The following DOCK1 variants were observed in gnomAD, a reference collection of about 807,000 sequenced individuals.
DOCK1 encodes the protein dedicator of cytokinesis 1.
DOCK1 carries 138 observed loss-of-function variants against 262.7 expected under a neutral mutation model. The observed-to-expected ratio is 0.53, with a 90% CI of 0.46 to 0.61. DOCK1 has a LOEUF of 0.61. DOCK1 is among the 20% of genes least tolerant of loss of function. DOCK1 has a pLI of 0.00. For synonymous variants in DOCK1, 866 were observed against 867.4 expected (o/e 1.00, Z 0.03); for missense variants, 1,908 against 2,370.7 (o/e 0.80, Z 4.05).
intron 27 of DOCK1, among the ~76,000 whole-genome samples, chr10:127,195,727 G>A (rs1263581218): frequency 6.6e-6 from 1 of 152,150 alleles, no homozygotes; most frequent in Admixed American, 6.5e-5. Flanking sequence ...CCTCCCTGAC[G>A]TCGCCAAAGT....
chr10:127,430,208 G>T (rs1228258333), intron 47 of DOCK1, among the ~76,000 whole-genome samples: 2 of 152,116 alleles, frequency 1.3e-5, no homozygotes, highest in East Asian at 3.9e-4. Flanking sequence ...ATCACAGTTG[G>T]CCCCTGACCT....
chr10:127,447,565 C>CA lies in DOCK1; in HGVS notation c.5565+21dup. On this transcript the variant is annotated intron_variant, in intron 51 of 51. Transcript: ENST00000623213. ...CAGAGGGTAAGTCGGCAATCTGAAA[C>CA]ACAGGCTTTCATTGCTTCGCCTCCA... is the stretch of plus-strand genomic sequence containing the variant. 1 of 1,612,180 alleles carries CA rather than the reference C, an allele frequency of 6.2e-7. No homozygotes were observed. Among genetic ancestry groups the CA allele is most frequent in the East Asian group, 2.2e-5 (1 of 44,826 alleles).
intron 27 of DOCK1, among the ~76,000 whole-genome samples, chr10:127,180,473 A>G (rs1425508406): frequency 6.6e-6 from 1 of 152,202 alleles, no homozygotes; most frequent in Non-Finnish European, 1.5e-5. Flanking sequence ...GAAAATGGCT[A>G]GTCATGGTTG....
At chr10:127,189,409 C>G (rs2056554740) in intron 27 of DOCK1, among the ~76,000 whole-genome samples, 1 of 152,202 alleles carries the variant, frequency 6.6e-6, no homozygotes, top group Admixed American at 6.5e-5. Flanking sequence ...GTCTGAGGCT[C>G]CAGTGTCCAG....
In DOCK1 at chr10:127,350,376, C is replaced by T. The variant is rs575296769; in HGVS notation, c.3225-4293C>T. On this transcript the variant is annotated intron_variant, in intron 31 of 51. Transcript: ENST00000623213. ...TGTAGCCCCACCCACCAGGCACTCC[C>T]CTACTCCCTCCCTGCCATGGGGCCT... Among the ~76,000 whole-genome samples the T allele has an allele frequency of 3.2e-3, 482 of 152,296 alleles. 3 individuals carry two copies. Among genetic ancestry groups the T allele is most frequent in the Middle Eastern group, 0.031 (9 of 294 alleles).
intron 2 of DOCK1, 99 bp downstream of exon 2, chr10:126,970,884 AAGAC>A: frequency 7.4e-7 from 1 of 1,343,600 alleles, no homozygotes; most frequent in Middle Eastern, 1.9e-4. Flanking sequence ...ACAGACACAT[AAGAC>A]AGTCATGCTT....
chr10:127,209,200 C>T (rs1470686472), intron 27 of DOCK1, among the ~76,000 whole-genome samples: 1 of 152,050 alleles, frequency 6.6e-6, no homozygotes, highest in Non-Finnish European at 1.5e-5. Context: ...GTTCTTTACA[C>T]TGAGATTCCA....
chr10:127,147,218 C>T (rs139253756), intron 27 of DOCK1, among the ~76,000 whole-genome samples: 57 of 152,268 alleles, frequency 3.7e-4, no homozygotes, highest in African/African-American at 1.3e-3. Flanking sequence ...TTGTGGTGGA[C>T]TGGGATGTTC....
At chr10:127,357,247 ATTGTTT>A (rs1015332426) in intron 32 of DOCK1, among the ~76,000 whole-genome samples, 7 of 151,862 alleles carry the variant, frequency 4.6e-5, no homozygotes, top group African/African-American at 1.7e-4. Flanking sequence ...CTGATTTGGG[ATTGTTT>A]TTGTTTTTGT....
intron 47 of DOCK1, 149 bp downstream of exon 47, chr10:127,426,160 G>C (rs773926041): frequency 1.5e-6 from 2 of 1,374,500 alleles, no homozygotes; most frequent in Non-Finnish European, 2.0e-6. Context: ...AGCCCCCTTG[G>C]GCAGTCTTGT....
intron 27 of DOCK1, among the ~76,000 whole-genome samples, chr10:127,236,464 A>C (rs2134631529): frequency 6.8e-6 from 1 of 146,636 alleles, no homozygotes; most frequent in Non-Finnish European, 1.5e-5. Flanking sequence ...CCATTTGTTG[A>C]AAGTACAGTT....
chr10:127,129,060 C>T (rs551592572), intron 27 of DOCK1, among the ~76,000 whole-genome samples: 10 of 152,134 alleles, frequency 6.6e-5, no homozygotes, highest in Admixed American at 2.0e-4. Flanking sequence ...AGGTGATGTG[C>T]GTCTTCTTGG....
Position 127,095,785 on chromosome 10 carries a change from C to T in DOCK1, c.2446-10446C>T, listed in dbSNP as rs142796624. Among the ~76,000 whole-genome samples the T allele has an allele frequency of 4.5e-4, 68 of 152,286 alleles. No individual in the cohort carries two copies. In the East Asian group the frequency reaches 0.012, roughly 26 times the overall value. On this transcript the variant is annotated intron_variant, in intron 23 of 51. Transcript: ENST00000623213. The stretch of plus-strand genomic sequence containing the variant: ...CTCTCCCTGAGAAACCCAGGAGACC[C>T]GTTCCTCATCATCGATATGCTTCAA...
At chr10:127,220,254 G>A (rs2058375595) in intron 27 of DOCK1, among the ~76,000 whole-genome samples, 1 of 151,422 alleles carries the variant, frequency 6.6e-6, no homozygotes, top group South Asian at 2.1e-4. Context: ...GTGTGGAGAA[G>A]CTAAGTAGGG....
chr10:127,110,305 A>G lies in DOCK1; in HGVS notation c.2574A>G (p.Lys858=), dbSNP rs1364967664. 1 of 1,613,582 alleles carries G rather than the reference A, an allele frequency of 6.2e-7. No homozygotes were observed. The highest frequency in any genetic ancestry group is 8.5e-7 in the Non-Finnish European group (1 of 1,179,798). The change falls in exon 25 of 52, where the codon AAA becomes AAG. Residue 858 remains lysine, a synonymous_variant. Transcript: ENST00000623213. The stretch of plus-strand genomic sequence containing the variant: ...CCATGGGCTTGCTGACCATCCAGAA[A>G]CTCTACTGCTTGATCGAAATCGTCC... ...NVPMGLLTIQ[K]LYCLIEIVHS...
intron 1 of DOCK1, among the ~76,000 whole-genome samples, chr10:126,956,608 C>G (rs2036760242): frequency 6.6e-6 from 1 of 152,216 alleles, no homozygotes; most frequent in Non-Finnish European, 1.5e-5. Flanking sequence ...GTCTTAAAAT[C>G]TAAGCAAATG....
intron 18 of DOCK1, among the ~76,000 whole-genome samples, chr10:127,034,749 G>T (rs946138975): frequency 2.6e-5 from 4 of 152,184 alleles, no homozygotes; most frequent in African/African-American, 9.6e-5. Flanking sequence ...CCGAAAGCAT[G>T]CTCGGAAGTC....
chr10:127,137,798 G>T (rs1420320418), intron 27 of DOCK1: 2 of 1,572,662 alleles, frequency 1.3e-6, no homozygotes, highest in South Asian at 2.3e-5. Flanking sequence ...ACTCCAGTGG[G>T]TTCTAAAGAC....
chr10:127,315,038 C>T (rs111311946), intron 29 of DOCK1, among the ~76,000 whole-genome samples: 1 of 152,102 alleles, frequency 6.6e-6, no homozygotes. Flanking sequence ...AAAGCAAATC[C>T]GCTCCTCCTG....
Sources: gnomAD v4.1 joint callset for allele counts (sites outside exome capture counted in the v4.1 genomes callset) on GRCh38, gnomAD v4.1.1 for gene constraint, MANE v1.5 for transcripts, NCBI Gene and HGNC (gene_info 2026-07-23, HGNC 2026-07-21) for gene names.